The following ADAMTSL3 variants were observed in gnomAD, a reference collection of about 807,000 sequenced individuals.
ADAMTSL3 encodes ADAMTS-like protein 3.
A neutral mutation model predicts 201.7 loss-of-function variants in ADAMTSL3; 128 were observed. The observed-to-expected ratio is 0.63, with a 90% CI of 0.55 to 0.73. The LOEUF (loss-of-function observed/expected upper bound fraction) is 0.73. Ranked by LOEUF, ADAMTSL3 falls within the 30% of genes least tolerant of loss-of-function variation. The pLI is 0.00. For missense variants in ADAMTSL3, 1,990 were observed against 2,119.6 expected, an observed-to-expected ratio of 0.94 and a Z score of 1.20; for synonymous variants, 738 against 748.4, an observed-to-expected ratio of 0.99 and a Z score of 0.23.
intron 23 of ADAMTSL3, among the ~76,000 whole-genome samples, chr15:84,006,751 A>G (rs77095279): frequency 1.4e-4 from 21 of 152,368 alleles, no homozygotes; most frequent in African/African-American, 5.1e-4. Flanking sequence ...TTGAAACACC[A>G]TAAAGAGCAG....
rs753413118 is a variant in ADAMTSL3 at position 83,892,786 on chromosome 15, G to A, written c.1365G>A (p.Leu455=). 5.0e-6 allele frequency: 8 copies of A among 1,614,148 alleles called. No individual in the cohort carries two copies. The highest frequency in any genetic ancestry group is 6.8e-6 in the Non-Finnish European group (8 of 1,180,012). ...AGGAATCCATGCATGGAGAGATATTGCAGGTGGAAGAATGGAAGTGCATGT... is the reference window on the plus strand; with the variant it reads ...AGGAATCCATGCATGGAGAGATATTACAGGTGGAAGAATGGAAGTGCATGT... ...CVEESMHGEI[L]QVEEWKCMYA... The change falls in exon 13 of 30, where the codon TTG becomes TTA. Residue 455 remains leucine (L), a synonymous_variant. Coordinates refer to ENST00000286744, the MANE Select transcript of ADAMTSL3 (RefSeq NM_207517.3).
chr15:83,901,738 G>A (rs2065728132), intron 15 of ADAMTSL3, among the ~76,000 whole-genome samples: 1 of 148,798 alleles, frequency 6.7e-6, no homozygotes, highest in Non-Finnish European at 1.5e-5. Context: ...GTATAAGGAA[G>A]GCATTAGGCT....
rs570118608 is a variant in ADAMTSL3 at position 84,030,566 on chromosome 15, A to T, written c.4657-769A>T. On this transcript the variant is annotated intron_variant, in intron 27 of 29. Transcript: ENST00000286744. ...CTAGGAAGTAACTAACTTACTTTTCATGTTACAGGCTCATAGGCAGAAGAG... is the reference window on the plus strand; with the variant it reads ...CTAGGAAGTAACTAACTTACTTTTCTTGTTACAGGCTCATAGGCAGAAGAG... 2.0e-5 allele frequency among the ~76,000 whole-genome samples: 3 copies of T among 152,266 alleles called. No individual in the cohort carries two copies. In the South Asian group the frequency reaches 6.2e-4, roughly 32 times the overall value.
chr15:83,833,146 A>G (rs1216905695), intron 6 of ADAMTSL3, among the ~76,000 whole-genome samples: 2 of 152,224 alleles, frequency 1.3e-5, no homozygotes, highest in Non-Finnish European at 2.9e-5. Flanking sequence ...GAAACTGGAA[A>G]TTGAAGAGGC....
chr15:83,791,729 G>A lies in ADAMTSL3; in HGVS notation c.318-12921G>A, dbSNP rs574827260. ...CAAAAAAATTGCCGGGCATGGTAGC[G>A]GGCGCCTGTAGTCCCAGCTACTCGG... is the stretch of plus-strand genomic sequence containing the variant. On this transcript the variant is annotated intron_variant, in intron 4 of 29. Coordinates refer to ENST00000286744, the MANE Select transcript of ADAMTSL3 (RefSeq NM_207517.3). Among the ~76,000 whole-genome samples the A allele has an allele frequency of 6.1e-4, 92 of 151,906 alleles. 1 individual carries two copies. The highest frequency in any genetic ancestry group is 2.1e-3 in the African/African-American group (89 of 41,446).
intron 17 of ADAMTSL3, 111 bp downstream of exon 17, chr15:83,924,144 T>C (rs1204260068): frequency 7.3e-7 from 1 of 1,372,664 alleles, no homozygotes; most frequent in African/African-American, 1.4e-5. Context: ...GTAGATGTGC[T>C]AAGCCTGCTT....
chr15:83,880,389 A>G lies in ADAMTSL3; in HGVS notation c.961-4712A>G, dbSNP rs150255705. Among the ~76,000 whole-genome samples, 51 of 152,274 alleles carry G rather than the reference A, an allele frequency of 3.3e-4. 1 individual carries two copies. Among genetic ancestry groups the G allele is most frequent in the Admixed American group, 1.6e-3 (24 of 15,280 alleles). ...GCAGGCCATCACTGTTTTTGTAAAT[A>G]AAGTTTTATCAGAACAGCCACCCCT... is the stretch of plus-strand genomic sequence containing the variant. On this transcript the variant is annotated intron_variant, in intron 9 of 29. Coordinates refer to ENST00000286744, the MANE Select transcript of ADAMTSL3 (RefSeq NM_207517.3).
At chr15:83,773,698 T>C in intron 4 of ADAMTSL3, 48 bp downstream of exon 4, 1 of 1,580,308 alleles carries the variant, frequency 6.3e-7, no homozygotes, top group Admixed American at 1.9e-5. Flanking sequence ...TGCCAGTGCC[T>C]CTGGATGGGT....
intron 16 of ADAMTSL3, among the ~76,000 whole-genome samples, chr15:83,914,891 G>T (rs1249273867): frequency 2.6e-5 from 4 of 151,694 alleles, no homozygotes; most frequent in South Asian, 2.1e-4. Context: ...TTTTTTGTGG[G>T]TTTTTTTATG....
chr15:84,022,177 A>C (rs921680631), intron 26 of ADAMTSL3, among the ~76,000 whole-genome samples: 1 of 151,860 alleles, frequency 6.6e-6, no homozygotes, highest in Non-Finnish European at 1.5e-5. Context: ...TCTTTCTCTC[A>C]CTTCCATCCA....
At chr15:84,016,068 A>G (rs1236987512) in intron 24 of ADAMTSL3, among the ~76,000 whole-genome samples, 6 of 152,110 alleles carry the variant, frequency 3.9e-5, no homozygotes, top group East Asian at 1.9e-4. Context: ...GCTCTATCCA[A>G]CCAATCTGCT....
chr15:83,829,696 A>G (rs1373180700), intron 6 of ADAMTSL3, among the ~76,000 whole-genome samples: 39 of 152,242 alleles, frequency 2.6e-4, no homozygotes, highest in Admixed American at 2.6e-4. Context: ...ACACTGCTTT[A>G]AATGTGTCCC....
chr15:83,820,420 C>T (rs1268633388), intron 6 of ADAMTSL3, among the ~76,000 whole-genome samples: 1 of 152,120 alleles, frequency 6.6e-6, no homozygotes, highest in African/African-American at 2.4e-5. Flanking sequence ...TCAGAGTCAC[C>T]TGGAGGGCTT....
chr15:83,655,742 C>T lies in ADAMTSL3; in HGVS notation c.-20C>T, dbSNP rs753528577. On this transcript the variant is annotated 5_prime_UTR_variant, in exon 2 of 30. Transcript: ENST00000286744. The stretch of plus-strand genomic sequence containing the variant: ...CCTCGTTTGTAGGCTACAACTGAGA[C>T]CCGGAGGAGACTAGACCCCATGGCT... 6.2e-7 allele frequency: 1 copy of T among 1,613,558 alleles called. No individual in the cohort carries two copies. Among genetic ancestry groups the T allele is most frequent in the South Asian group, 1.1e-5 (1 of 91,000 alleles).
chr15:83,760,911 CT>C (rs1295572394), intron 3 of ADAMTSL3, among the ~76,000 whole-genome samples: 6 of 151,906 alleles, frequency 3.9e-5, no homozygotes, highest in African/African-American at 1.5e-4. Context: ...AAATTTTATC[CT>C]GACAATCTGT....
At chr15:83,798,493 A>G (rs1416654908) in intron 4 of ADAMTSL3, among the ~76,000 whole-genome samples, 1 of 152,160 alleles carries the variant, frequency 6.6e-6, no homozygotes. Flanking sequence ...CCTGTGGCAC[A>G]CCCACTTTTT....
chr15:83,822,254 C>T (rs1424041142), intron 6 of ADAMTSL3, among the ~76,000 whole-genome samples: 1 of 142,326 alleles, frequency 7.0e-6, no homozygotes, highest in Admixed American at 7.1e-5. Flanking sequence ...GGCTGCTGGG[C>T]GGAGGGGCTC....
chr15:83,842,792 T>C (rs1011775667), intron 7 of ADAMTSL3, among the ~76,000 whole-genome samples: 57 of 152,192 alleles, frequency 3.7e-4, no homozygotes, highest in African/African-American at 1.3e-3. Flanking sequence ...GGAAGGCATG[T>C]GGATGAGGGG....
rs556007306 is a variant in ADAMTSL3 at position 83,679,429 on chromosome 15, T to C, written c.69+23599T>C. Among the ~76,000 whole-genome samples, 4 of 152,262 alleles carry C rather than the reference T, an allele frequency of 2.6e-5. No individual in the cohort carries two copies. The South Asian group carries it at 8.3e-4, about 32-fold the overall frequency. ...ATTATATCCTAAACATTTTGAGTAT[T>C]ATGAGACTCTGGATCTTATTTGATT... On this transcript the variant is annotated intron_variant, in intron 2 of 29. Coordinates refer to ENST00000286744, the MANE Select transcript of ADAMTSL3 (RefSeq NM_207517.3).
Sources: gnomAD v4.1 joint callset for allele counts (sites outside exome capture counted in the v4.1 genomes callset) on GRCh38, gnomAD v4.1.1 for gene constraint, MANE v1.5 for transcripts, NCBI Gene and HGNC (gene_info 2026-07-23, HGNC 2026-07-21) for gene names.